Variants in STK31 observed in about 807,000 individuals in gnomAD.
STK31 encodes serine/threonine kinase 31.
STK31 carries 89 observed loss-of-function variants against 129.7 expected under a neutral mutation model. The ratio of observed to expected loss-of-function variants is 0.69; its 90% CI spans 0.58 to 0.82. The LOEUF (loss-of-function observed/expected upper bound fraction) is 0.82, where lower values mean the gene tolerates loss of function less well. STK31 is among the 40% of genes least tolerant of loss of function. STK31 has a pLI of 0.00. For missense variants in STK31, 1,187 were observed against 1,176.4 expected (o/e 1.01, Z -0.13); for synonymous variants, 448 against 395.3 (o/e 1.13, Z -1.58).
At chr7:23,825,035 T>G (rs1296862780) in intron 23 of STK31, among the ~76,000 whole-genome samples, 1 of 152,154 alleles carries the variant, frequency 6.6e-6, no homozygotes, top group Non-Finnish European at 1.5e-5. Flanking sequence ...TCAATGTTCA[T>G]CAAGAATATT....
chr7:23,743,028 C>T (rs1425382100), intron 8 of STK31, among the ~76,000 whole-genome samples: 1 of 150,398 alleles, frequency 6.6e-6, no homozygotes, highest in Non-Finnish European at 1.5e-5. Context: ...TCTTGGCTCT[C>T]TGCAACCTCC....
chr7:23,746,690 C>T (rs1021939761), intron 8 of STK31, among the ~76,000 whole-genome samples: 31 of 152,062 alleles, frequency 2.0e-4, no homozygotes, highest in Middle Eastern at 6.8e-3. Flanking sequence ...AATGTATTTA[C>T]GTTTTATTAA....
chr7:23,808,359 C>T (rs935398060), intron 22 of STK31, among the ~76,000 whole-genome samples: 4 of 151,676 alleles, frequency 2.6e-5, no homozygotes, highest in East Asian at 1.9e-4. Flanking sequence ...CTTTTGACAC[C>T]GGGAGACCAG....
At chr7:23,809,151 AGTT>A (rs953916285) in intron 22 of STK31, among the ~76,000 whole-genome samples, 32 of 151,514 alleles carry the variant, frequency 2.1e-4, no homozygotes, top group African/African-American at 7.3e-4. Context: ...TTATAGCTAG[AGTT>A]GTTTGTTTTT....
intron 15 of STK31, among the ~76,000 whole-genome samples, chr7:23,778,286 A>G (rs920663395): frequency 1.2e-4 from 18 of 151,002 alleles, no homozygotes; most frequent in Non-Finnish European, 2.4e-4. Flanking sequence ...CTTCATTTCA[A>G]CCTTGGTGAA....
intron 4 of STK31, among the ~76,000 whole-genome samples, chr7:23,726,960 T>C (rs1787125545): frequency 6.6e-6 from 1 of 152,148 alleles, no homozygotes. Flanking sequence ...AAATTTTTTT[T>C]TTTGCTTTTT....
chr7:23,774,116 C>CT (rs1387620344), intron 15 of STK31, among the ~76,000 whole-genome samples: 10 of 152,026 alleles, frequency 6.6e-5, no homozygotes, highest in African/African-American at 1.7e-4. Context: ...TGAAATCATC[C>CT]TTTTTTATGG....
intron 16 of STK31, 43 bp from the exon 17 acceptor site, chr7:23,783,540 A>G (rs1299958859): frequency 1.4e-6 from 2 of 1,408,174 alleles, no homozygotes; most frequent in Non-Finnish European, 2.0e-6. Flanking sequence ...AAAATTGAAT[A>G]TATATTGATC....
chr7:23,785,366 A>G (rs1006781819), intron 17 of STK31, 112 bp from the exon 18 acceptor site: 116 of 1,425,728 alleles, frequency 8.1e-5, no homozygotes, highest in Admixed American at 1.3e-4. Flanking sequence ...TGGTTTTTCC[A>G]GTACAGTTGA....
intron 4 of STK31, among the ~76,000 whole-genome samples, chr7:23,725,378 A>AAG (rs767920966): frequency 0.015 from 2,288 of 148,622 alleles, 24 homozygotes; most frequent in Non-Finnish European, 0.025. Flanking sequence ...TCTACAAAAA[A>AAG]AAAAAAAAAA....
chr7:23,779,651 CT>C (rs1790784926), intron 15 of STK31, among the ~76,000 whole-genome samples: 1 of 151,968 alleles, frequency 6.6e-6, no homozygotes, highest in Non-Finnish European at 1.5e-5. Context: ...GGAAAACTGC[CT>C]ACTCAAGCCT....
intron 17 of STK31, 83 bp from the exon 18 acceptor site, chr7:23,785,395 A>G: frequency 6.4e-7 from 1 of 1,550,664 alleles, no homozygotes; most frequent in African/African-American, 1.4e-5. Flanking sequence ...AAGTCATTTA[A>G]TATCGTGTAA....
In STK31 at chr7:23,817,304, T is replaced by C. The variant is rs369104371; in HGVS notation, c.2829+2092T>C. Among the ~76,000 whole-genome samples, 15 of 152,324 alleles carry C rather than the reference T, an allele frequency of 9.8e-5. 1 individual carries two copies. Among genetic ancestry groups the C allele is most frequent in the Admixed American group, 3.9e-4 (6 of 15,294 alleles). The stretch of plus-strand genomic sequence containing the variant: ...TAAATGTAAATACACAGTCCCCGTT[T>C]AATGTGGGTAGCTACTCATGGATTC... On this transcript the variant is annotated intron_variant, in intron 23 of 23. Coordinates refer to ENST00000355870, the MANE Select transcript of STK31 (RefSeq NM_031414.5).
intron 8 of STK31, among the ~76,000 whole-genome samples, chr7:23,745,360 G>A (rs1788286400): frequency 6.6e-6 from 1 of 152,178 alleles, no homozygotes; most frequent in South Asian, 2.1e-4. Context: ...TGATGCCCAG[G>A]TTTCCAGTGG....
chr7:23,739,120 A>G (rs1287512451), intron 8 of STK31, among the ~76,000 whole-genome samples: 1 of 152,180 alleles, frequency 6.6e-6, no homozygotes, highest in Non-Finnish European at 1.5e-5. Flanking sequence ...CTATTTCTCC[A>G]CATCGTCTCC....
At chr7:23,818,651 A>G (rs79321386) in intron 23 of STK31, among the ~76,000 whole-genome samples, 3 of 148,634 alleles carry the variant, frequency 2.0e-5, no homozygotes, top group Non-Finnish European at 4.4e-5. Flanking sequence ...CAACAAAAAA[A>G]TAAAGTCCGA....
intron 22 of STK31, among the ~76,000 whole-genome samples, chr7:23,801,606 C>T (rs984273710): frequency 6.6e-6 from 1 of 152,058 alleles, no homozygotes; most frequent in Non-Finnish European, 1.5e-5. Flanking sequence ...TGTATAAGAA[C>T]TCTTCGCATA....
At chr7:23,808,708 A>T (rs1474192714) in intron 22 of STK31, among the ~76,000 whole-genome samples, 1 of 152,152 alleles carries the variant, frequency 6.6e-6, no homozygotes, top group South Asian at 2.1e-4. Context: ...GGCTTCATGG[A>T]TACCATGCTA....
At chr7:23,725,631 C>T (rs1437374474) in intron 4 of STK31, among the ~76,000 whole-genome samples, 1 of 152,060 alleles carries the variant, frequency 6.6e-6, no homozygotes, top group Non-Finnish European at 1.5e-5. Flanking sequence ...TAAAGAAATA[C>T]CTGAGACTGG....
Sources: gnomAD v4.1 joint callset for allele counts (sites outside exome capture counted in the v4.1 genomes callset) on GRCh38, gnomAD v4.1.1 for gene constraint, MANE v1.5 for transcripts, NCBI Gene and HGNC (gene_info 2026-07-23, HGNC 2026-07-21) for gene names.